Variants in PRDM10 observed in about 807,000 individuals in gnomAD.
PRDM10 encodes PR/SET domain 10.
PRDM10 carries 65 observed loss-of-function variants against 133.1 expected under a neutral mutation model. That is an observed-to-expected ratio of 0.49 (90% CI 0.40 to 0.60). The LOEUF (loss-of-function observed/expected upper bound fraction) is 0.60, where lower values mean the gene tolerates loss of function less well. Ranked by LOEUF, PRDM10 falls within the 20% of genes least tolerant of loss-of-function variation. The pLI is 0.00. For missense variants in PRDM10, 1,137 were observed against 1,507.1 expected (o/e 0.75, Z 4.07); for synonymous variants, 582 against 580.4 (o/e 1.00, Z -0.04).
At chr11:129,979,656 T>A (rs1333500827) in intron 1 of PRDM10, among the ~76,000 whole-genome samples, 2 of 152,230 alleles carry the variant, frequency 1.3e-5, no homozygotes, top group Non-Finnish European at 2.9e-5. Flanking sequence ...CAGCACAGTC[T>A]GGTAAGCAAA....
intron 15 of PRDM10, 67 bp downstream of exon 15, chr11:129,917,060 A>C: frequency 1.8e-6 from 2 of 1,134,386 alleles, no homozygotes; most frequent in Non-Finnish European, 2.6e-6. Flanking sequence ...TATATTTATA[A>C]ATACGGACAA....
Position 129,905,870 on chromosome 11 carries a change from T to G in PRDM10, c.3164-129A>C, listed in dbSNP as rs117399194. 1,458 of 775,704 alleles carry G rather than the reference T, an allele frequency of 1.9e-3. 7 individuals carry two copies. The highest frequency in any genetic ancestry group is 1.6e-3 in the Non-Finnish European group (766 of 467,308). The allele number at this position is 775,704 out of a possible 1,614,324, so 48.1% of individuals were successfully genotyped here. A position where few individuals can be genotyped will look rare whatever the true frequency, so the allele number is the denominator to read the frequency against. On this transcript the variant is annotated intron_variant, in intron 19 of 20. Transcript: ENST00000360871. Reference sequence around the variant, plus strand: ...CATGAGAGTCTCACAATGATGTGATTTCTTGGTGCCGTGAAAGCATCTCTG... The same window carrying G: ...CATGAGAGTCTCACAATGATGTGATGTCTTGGTGCCGTGAAAGCATCTCTG...
In PRDM10 at chr11:129,968,682, C is replaced by A. The variant is rs1465946146; in HGVS notation, c.-118-7600G>T. Among the ~76,000 whole-genome samples the A allele has an allele frequency of 3.3e-5, 5 of 152,078 alleles. No homozygotes were observed. In the East Asian group the frequency reaches 9.7e-4, roughly 29 times the overall value. ...GCTAAAGCCAACATCCAGAACCCCCCAGGACGTAGGACTCAGGAGCCTAGT... is the reference window on the plus strand; with the variant it reads ...GCTAAAGCCAACATCCAGAACCCCCAAGGACGTAGGACTCAGGAGCCTAGT... On this transcript the variant is annotated intron_variant, in intron 1 of 20. Transcript: ENST00000360871.
At chr11:129,969,913 T>C (rs1951982730) in intron 1 of PRDM10, among the ~76,000 whole-genome samples, 1 of 152,168 alleles carries the variant, frequency 6.6e-6, no homozygotes. Context: ...TAAGATTAGA[T>C]TCTACCTGGT....
intron 1 of PRDM10, among the ~76,000 whole-genome samples, chr11:129,964,114 G>C (rs549646106): frequency 6.6e-6 from 1 of 152,230 alleles, no homozygotes; most frequent in East Asian, 1.9e-4. Context: ...GTGTCCTTCC[G>C]ATAGAGGAAT....
At chr11:129,978,655 G>T (rs1284365632) in intron 1 of PRDM10, among the ~76,000 whole-genome samples, 1 of 152,184 alleles carries the variant, frequency 6.6e-6, no homozygotes, top group Non-Finnish European at 1.5e-5. Flanking sequence ...CCTTTGCCCT[G>T]CCACTTCCCA....
chr11:129,957,669 T>C, intron 3 of PRDM10, 77 bp downstream of exon 3: 3 of 1,522,738 alleles, frequency 2.0e-6, no homozygotes, highest in Non-Finnish European at 1.8e-6. Context: ...CCTAGCACAA[T>C]GACTGACAGA....
chr11:129,996,494 C>T (rs550568423), intron 1 of PRDM10, among the ~76,000 whole-genome samples: 25 of 152,318 alleles, frequency 1.6e-4, no homozygotes, highest in African/African-American at 5.8e-4. Flanking sequence ...TGGAACACAG[C>T]CACGCTCTCA....
intron 13 of PRDM10, among the ~76,000 whole-genome samples, chr11:129,920,201 C>T (rs1316401755): frequency 6.6e-6 from 1 of 152,164 alleles, no homozygotes; most frequent in African/African-American, 2.4e-5. Flanking sequence ...AATTTCAAAG[C>T]CTAACACAAA....
chr11:129,942,639 A>T lies in PRDM10; in HGVS notation c.763-10T>A. The T allele has an allele frequency of 6.3e-7, 1 of 1,599,874 alleles. No individual in the cohort carries two copies. The highest frequency in any genetic ancestry group is 8.5e-7 in the Non-Finnish European group (1 of 1,174,118). On this transcript the variant is annotated splice_polypyrimidine_tract_variant and intron_variant, in intron 6 of 20. Transcript: ENST00000360871. ...CTTTATCAAGAGAAACCTGCACGAA[A>T]AAAAAGCCACACCAAAAACAAAACA...
intron 4 of PRDM10, among the ~76,000 whole-genome samples, chr11:129,951,045 A>G (rs1951568710): frequency 1.3e-5 from 2 of 152,242 alleles, no homozygotes; most frequent in African/African-American, 4.8e-5. Context: ...TTTACCAGAA[A>G]CATGCAAACT....
intron 7 of PRDM10, among the ~76,000 whole-genome samples, chr11:129,938,589 C>G (rs1362736073): frequency 6.6e-6 from 1 of 152,184 alleles, no homozygotes; most frequent in Non-Finnish European, 1.5e-5. Context: ...TGACTGGCCT[C>G]TCCTTTTCTC....
At chr11:129,957,932 G>T in intron 2 of PRDM10, 22 bp from the exon 3 acceptor site, 1 of 1,595,530 alleles carries the variant, frequency 6.3e-7, no homozygotes, top group Non-Finnish European at 8.6e-7. Flanking sequence ...AGGAGACAAA[G>T]AACAAAATCA....
chr11:129,961,735 T>C (rs554045879), intron 1 of PRDM10, among the ~76,000 whole-genome samples: 2 of 152,208 alleles, frequency 1.3e-5, no homozygotes, highest in Non-Finnish European at 2.9e-5. Flanking sequence ...AATAATATAA[T>C]GTATTGCATG....
At chr11:129,957,932 G>A (rs775486919) in intron 2 of PRDM10, 22 bp from the exon 3 acceptor site, 3 of 1,595,530 alleles carry the variant, frequency 1.9e-6, no homozygotes, top group South Asian at 2.3e-5. Context: ...AGGAGACAAA[G>A]AACAAAATCA....
In PRDM10 at chr11:129,990,058, G is replaced by A. The variant is rs1019733729; in HGVS notation, c.-119+12664C>T. Among the ~76,000 whole-genome samples, 6 of 151,976 alleles carry A rather than the reference G, an allele frequency of 3.9e-5. No individual in the cohort carries two copies. In the East Asian group the frequency reaches 1.2e-3, roughly 29 times the overall value. On this transcript the variant is annotated intron_variant, in intron 1 of 20. Coordinates refer to ENST00000360871, the MANE Select transcript of PRDM10 (RefSeq NM_199437.2). ...TCTCTATTAAAAATTCCAAAAACTG[G>A]CCAGGCATGGGGCGTGGTGGCTCAC...
At position 129,970,283 on chromosome 11, in the gene PRDM10, A is replaced by G. The variant is rs182356948; in HGVS notation, c.-118-9201T>C. Among the ~76,000 whole-genome samples, 12 of 152,366 alleles carry G rather than the reference A, an allele frequency of 7.9e-5. No homozygotes were observed. In the East Asian group the frequency reaches 2.3e-3, roughly 29 times the overall value. On this transcript the variant is annotated intron_variant, in intron 1 of 20. Coordinates refer to ENST00000360871, the MANE Select transcript of PRDM10 (RefSeq NM_199437.2). The stretch of plus-strand genomic sequence containing the variant: ...ACATATTGGTTCATTTAATCCTCAC[A>G]ATAACTTCTGAAGTAGGCACATTAT...
chr11:129,948,393 C>G (rs1422498681), intron 4 of PRDM10, among the ~76,000 whole-genome samples: 1 of 152,148 alleles, frequency 6.6e-6, no homozygotes, highest in East Asian at 1.9e-4. Context: ...ATACTCTTTC[C>G]TCAGCCACCT....
chr11:129,903,183 A>C (rs1949895587), intron 20 of PRDM10, among the ~76,000 whole-genome samples: 1 of 151,934 alleles, frequency 6.6e-6, no homozygotes, highest in Admixed American at 6.6e-5. Flanking sequence ...CTGTAATCCC[A>C]GCTACTTGGG....
Sources: allele counts gnomAD v4.1 joint callset (sites outside exome capture counted in the v4.1 genomes callset), GRCh38; gene constraint gnomAD v4.1.1; transcripts MANE v1.5; gene names NCBI Gene and HGNC (gene_info 2026-07-23, HGNC 2026-07-21).